The following RHBDD1 variants were observed in gnomAD, a reference collection of about 807,000 sequenced individuals.
The protein encoded by RHBDD1 is rhomboid-related protein 4.
Under a neutral mutation model 36.3 loss-of-function variants are expected in RHBDD1, and 38 were observed. The ratio of observed to expected loss-of-function variants is 1.05; its 90% CI spans 0.81 to 1.37. The LOEUF is 1.37. RHBDD1 is among the 40% of genes most tolerant of loss of function. The pLI, the probability that RHBDD1 is intolerant of heterozygous loss-of-function variation, is 0.00. For missense variants in RHBDD1, 393 were observed against 377.6 expected, an observed-to-expected ratio of 1.04 and a Z score of -0.34; for synonymous variants, 151 against 136.5, an observed-to-expected ratio of 1.11 and a Z score of -0.74.
chr2:226,975,972 C>T (rs1443800523), intron 8 of RHBDD1, among the ~76,000 whole-genome samples: 1 of 151,984 alleles, frequency 6.6e-6, no homozygotes, highest in Non-Finnish European at 1.5e-5. Flanking sequence ...GGAACAGTCA[C>T]ACTCATGGTT....
intron 8 of RHBDD1, chr2:226,968,857 C>T (rs181599311): frequency 6.6e-6 from 1 of 152,340 alleles, no homozygotes; most frequent in African/African-American, 2.4e-5. Flanking sequence ...TCTCAATTTC[C>T]TCATCTGAGG....
chr2:226,847,077 A>G (rs1157236438), intron 3 of RHBDD1, among the ~76,000 whole-genome samples: 1 of 152,248 alleles, frequency 6.6e-6, no homozygotes, highest in Non-Finnish European at 1.5e-5. Context: ...TTTGAAATGT[A>G]TAAAATTGTT....
At position 226,970,497 on chromosome 2, in the gene RHBDD1, C is replaced by T. The variant is rs187468825; in HGVS notation, c.857-24934C>T. Among the ~76,000 whole-genome samples, 21 of 152,218 alleles carry T rather than the reference C, an allele frequency of 1.4e-4. No individual in the cohort carries two copies. In the East Asian group the frequency reaches 3.7e-3, roughly 27 times the overall value. ...CTGGTTTGTGTGTGAATTTGTCCAT[C>T]GTGAACATCTGTTGGCTGCCAGAGG... On this transcript the variant is annotated intron_variant, in intron 8 of 8. Coordinates refer to ENST00000392062, the MANE Select transcript of RHBDD1 (RefSeq NM_001167608.3).
chr2:226,851,160 T>C (rs1459502697), intron 3 of RHBDD1, among the ~76,000 whole-genome samples: 2 of 152,104 alleles, frequency 1.3e-5, no homozygotes. Context: ...TTCAGCCTCT[T>C]CCAGTAAGGA....
At chr2:226,827,027 T>C in the RHBDD1 span, among the ~76,000 whole-genome samples, 2 of 152,034 alleles carry the variant, frequency 1.3e-5, no homozygotes, top group Non-Finnish European at 2.9e-5. Context: ...GGAGTGATCA[T>C]GGCTCACTGT....
At chr2:226,878,783 T>A (rs1314906184) in intron 5 of RHBDD1, among the ~76,000 whole-genome samples, 1 of 152,144 alleles carries the variant, frequency 6.6e-6, no homozygotes, top group Non-Finnish European at 1.5e-5. Flanking sequence ...TCCCACTAGA[T>A]TTGGGGAGAC....
the RHBDD1 span, among the ~76,000 whole-genome samples, chr2:226,815,231 T>C: frequency 6.6e-6 from 1 of 152,224 alleles, no homozygotes; most frequent in Non-Finnish European, 1.5e-5. Context: ...TACTCCTTAT[T>C]CATGAACTCT....
chr2:226,838,598 A>C (rs1941268427), intron 2 of RHBDD1, among the ~76,000 whole-genome samples: 1 of 152,236 alleles, frequency 6.6e-6, no homozygotes, highest in South Asian at 2.1e-4. Flanking sequence ...GAGGCTCAGT[A>C]AATGTTGTGT....
At chr2:226,820,644 C>CAA in the RHBDD1 span, among the ~76,000 whole-genome samples, 1,521 of 61,938 alleles carry the variant, frequency 0.025, no homozygotes, top group Non-Finnish European at 0.046. Flanking sequence ...TCCATCTCCA[C>CAA]AAAAAAAAAA....
intron 8 of RHBDD1, among the ~76,000 whole-genome samples, chr2:226,979,908 T>C (rs1955349097): frequency 6.6e-6 from 1 of 152,166 alleles, no homozygotes; most frequent in Non-Finnish European, 1.5e-5. Flanking sequence ...ACAGGACAGA[T>C]AGAGAACAAT....
upstream of RHBDD1, chr2:226,835,614 C>T (rs2124880870): frequency 6.6e-6 from 1 of 152,354 alleles, no homozygotes; most frequent in Non-Finnish European, 1.5e-5. Context: ...CGCTGGGGCC[C>T]GGAAGGACGA....
At chr2:226,929,816 G>A (rs1201953408) in intron 8 of RHBDD1, among the ~76,000 whole-genome samples, 2 of 151,960 alleles carry the variant, frequency 1.3e-5, no homozygotes, top group Non-Finnish European at 2.9e-5. Flanking sequence ...TAAAACTAAT[G>A]TATACAAATC....
upstream of RHBDD1, among the ~76,000 whole-genome samples, chr2:226,831,015 C>T (rs1940727769): frequency 6.6e-6 from 1 of 152,184 alleles, no homozygotes; most frequent in Admixed American, 6.5e-5. Flanking sequence ...ATGATCTATC[C>T]TTCATACATA....
In RHBDD1 at chr2:226,867,725, T is replaced by C. The variant is rs184052989; in HGVS notation, c.566+407T>C. ...TAATGCTTTTTATTATTATTATTAT[T>C]CTTTTTTTTTTGAGATGGAGTCTCG... On this transcript the variant is annotated intron_variant, in intron 5 of 8. Coordinates refer to ENST00000392062, the MANE Select transcript of RHBDD1 (RefSeq NM_001167608.3). The C allele has an allele frequency of 1.3e-3, 1,203 of 900,168 alleles. 11 individuals are homozygous for C. In the African/African-American group the frequency reaches 0.021, roughly 15 times the overall value. 55.8% of individuals were successfully genotyped at this position (900,168 alleles called of 1,614,324 possible). A position where few individuals can be genotyped will look rare whatever the true frequency, so the allele number is the denominator to read the frequency against.
intron 5 of RHBDD1, 114 bp downstream of exon 5, chr2:226,867,432 C>A: frequency 8.0e-7 from 1 of 1,252,028 alleles, no homozygotes; most frequent in Non-Finnish European, 1.1e-6. Flanking sequence ...TATTCTTTAT[C>A]TATTAGGACA....
the RHBDD1 span, among the ~76,000 whole-genome samples, chr2:226,809,145 G>T: frequency 6.6e-6 from 1 of 152,208 alleles, no homozygotes; most frequent in Non-Finnish European, 1.5e-5. Context: ...TCAAGAAAGA[G>T]AAAGTAGATA....
intron 3 of RHBDD1, among the ~76,000 whole-genome samples, chr2:226,846,339 G>A (rs1942213214): frequency 6.6e-6 from 1 of 152,194 alleles, no homozygotes; most frequent in South Asian, 2.1e-4. Context: ...GGGCATATTT[G>A]ATAGAGAATT....
intron 8 of RHBDD1, among the ~76,000 whole-genome samples, chr2:226,979,605 G>A (rs973750694): frequency 6.6e-6 from 1 of 152,178 alleles, no homozygotes; most frequent in African/African-American, 2.4e-5. Flanking sequence ...GGAGGAGAGA[G>A]GAAGAGCAAG....
the RHBDD1 span, among the ~76,000 whole-genome samples, chr2:226,827,510 A>C: frequency 6.6e-6 from 1 of 152,286 alleles, no homozygotes; most frequent in South Asian, 2.1e-4. Context: ...GATTCCTCAA[A>C]ATATTGTTCT....
Sources: allele counts gnomAD v4.1 joint callset (sites outside exome capture counted in the v4.1 genomes callset), GRCh38; gene constraint gnomAD v4.1.1; transcripts MANE v1.5; gene names NCBI Gene and HGNC (gene_info 2026-07-23, HGNC 2026-07-21).